The following SLC25A48 variants were observed in gnomAD, a reference collection of about 807,000 sequenced individuals.
SLC25A48 encodes the protein CTC-321K16.1.
SLC25A48 carries 29 observed loss-of-function variants against 32.2 expected under a neutral mutation model. The ratio of observed to expected loss-of-function variants is 0.90; its 90% confidence interval spans 0.67 to 1.23. SLC25A48 has a LOEUF of 1.23. Among genes scored for constraint, SLC25A48 ranks in the 50% most tolerant of loss-of-function variants. The pLI, the probability that SLC25A48 is intolerant of heterozygous loss-of-function variation, is 0.00. For synonymous variants in SLC25A48, 164 were observed against 172.3 expected (o/e 0.95, Z 0.38); for missense variants, 399 against 422.7 (o/e 0.94, Z 0.49).
chr5:135,833,208 C>T (rs74961446), upstream of SLC25A48, among the ~76,000 whole-genome samples: 57 of 152,352 alleles, frequency 3.7e-4, no homozygotes, highest in East Asian at 4.2e-3. Flanking sequence ...GAAAGCAACC[C>T]ACTCCTGCTC....
intron 3 of SLC25A48, among the ~76,000 whole-genome samples, chr5:135,799,011 CT>C (rs1757255488): frequency 6.6e-6 from 1 of 151,656 alleles, no homozygotes; most frequent in South Asian, 2.1e-4. Flanking sequence ...TACACTTCGC[CT>C]GTGATATCGT....
chr5:135,777,485 C>T (rs999019236), intron 3 of SLC25A48, among the ~76,000 whole-genome samples: 2 of 151,082 alleles, frequency 1.3e-5, no homozygotes, highest in Admixed American at 1.3e-4. Flanking sequence ...TTTCTAATAT[C>T]CAGGGGGGAG....
At chr5:135,865,672 A>T (rs1761131613) in intron 4 of SLC25A48, among the ~76,000 whole-genome samples, 8 of 152,060 alleles carry the variant, frequency 5.3e-5, no homozygotes, top group Admixed American at 5.2e-4. Context: ...TCATCAGGAA[A>T]CTCACCGCCA....
At chr5:135,736,342 T>G in intron 3 of SLC25A48, among the ~76,000 whole-genome samples, 1 of 152,120 alleles carries the variant, frequency 6.6e-6, no homozygotes, top group Non-Finnish European at 1.5e-5. Flanking sequence ...TTTAGAGCCA[T>G]TGTCAAGTTT....
chr5:135,648,181 C>T (rs1020350769), intron 3 of SLC25A48, among the ~76,000 whole-genome samples: 8 of 152,276 alleles, frequency 5.3e-5, no homozygotes, highest in African/African-American at 1.4e-4. Flanking sequence ...CTTTGTCATT[C>T]TCTCCCAGGA....
chr5:135,840,132 G>T (rs966343693), intron 1 of SLC25A48, among the ~76,000 whole-genome samples: 8 of 152,084 alleles, frequency 5.3e-5, no homozygotes, highest in African/African-American at 1.7e-4. Context: ...ATTTTTTTCT[G>T]TGAAAAGGTA....
intron 1 of SLC25A48, among the ~76,000 whole-genome samples, chr5:135,616,294 C>G (rs891750876): frequency 6.6e-6 from 1 of 152,150 alleles, no homozygotes; most frequent in African/African-American, 2.4e-5. Flanking sequence ...GTACCGTGCA[C>G]CTGGAAAAGC....
At chr5:135,750,314 T>C (rs1490091719) in intron 3 of SLC25A48, among the ~76,000 whole-genome samples, 2 of 152,332 alleles carry the variant, frequency 1.3e-5, no homozygotes, top group South Asian at 2.1e-4. Flanking sequence ...TATTGCTTCC[T>C]GTGACTCTTC....
intron 5 of SLC25A48, chr5:135,871,988 A>G (rs1236090831): frequency 7.5e-7 from 1 of 1,336,354 alleles, no homozygotes; most frequent in Non-Finnish European, 9.6e-7. Flanking sequence ...GGCATTACTA[A>G]GCTTTGGAAA....
chr5:135,686,946 GT>G (rs541107047), intron 3 of SLC25A48, among the ~76,000 whole-genome samples: 114 of 145,440 alleles, frequency 7.8e-4, no homozygotes, highest in Middle Eastern at 3.6e-3. Flanking sequence ...GGAAAGGGTT[GT>G]TTTTTTTTTT....
intron 3 of SLC25A48, among the ~76,000 whole-genome samples, chr5:135,752,492 T>C (rs1273742117): frequency 1.3e-5 from 2 of 152,130 alleles, no homozygotes; most frequent in Non-Finnish European, 2.9e-5. Flanking sequence ...GTACACCCAC[T>C]GTGATATCTG....
intron 3 of SLC25A48, among the ~76,000 whole-genome samples, chr5:135,772,711 A>G (rs944409227): frequency 2.0e-5 from 3 of 151,670 alleles, no homozygotes; most frequent in Non-Finnish European, 4.4e-5. Context: ...TCAGGAAAGG[A>G]GAGGATAATA....
intron 3 of SLC25A48, among the ~76,000 whole-genome samples, chr5:135,696,114 C>T (rs1289371568): frequency 6.6e-6 from 1 of 152,214 alleles, no homozygotes; most frequent in African/African-American, 2.4e-5. Context: ...CAGTGCAACA[C>T]ATGCACAGAA....
intron 3 of SLC25A48, among the ~76,000 whole-genome samples, chr5:135,696,885 G>A (rs1379618916): frequency 1.3e-5 from 2 of 152,188 alleles, no homozygotes; most frequent in East Asian, 3.8e-4. Context: ...AGGGAGATGG[G>A]GCTGGGAAAG....
At chr5:135,855,805 C>T (rs1339257952) in intron 4 of SLC25A48, among the ~76,000 whole-genome samples, 3 of 152,220 alleles carry the variant, frequency 2.0e-5, no homozygotes, top group Non-Finnish European at 4.4e-5. Flanking sequence ...GCCCACATGC[C>T]AGGAAGTGCA....
At chr5:135,782,831 A>T (rs1756746410) in intron 3 of SLC25A48, among the ~76,000 whole-genome samples, 1 of 118,412 alleles carries the variant, frequency 8.4e-6, no homozygotes, top group Non-Finnish European at 2.1e-5. Flanking sequence ...TAATATCCAG[A>T]GGGGAAGAGG....
intron 2 of SLC25A48, among the ~76,000 whole-genome samples, chr5:135,633,657 C>T (rs1411190586): frequency 2.0e-5 from 3 of 151,952 alleles, no homozygotes; most frequent in South Asian, 2.1e-4. Flanking sequence ...CTGAGGTAGA[C>T]ATGTAGATGT....
intron 3 of SLC25A48, among the ~76,000 whole-genome samples, chr5:135,807,985 A>G (rs1406719637): frequency 6.6e-6 from 1 of 150,690 alleles, no homozygotes; most frequent in Admixed American, 6.6e-5. Flanking sequence ...AGGTCATGTA[A>G]ATATCATACA....
chr5:135,793,952 TTGTGA>T (rs1757099302), intron 3 of SLC25A48, among the ~76,000 whole-genome samples: 1 of 148,390 alleles, frequency 6.7e-6, no homozygotes, highest in Non-Finnish European at 1.5e-5. Flanking sequence ...GTAACACAGT[TTGTGA>T]TATTACACCC....
Sources: allele counts gnomAD v4.1 joint callset (sites outside exome capture counted in the v4.1 genomes callset), GRCh38; gene constraint gnomAD v4.1.1; transcripts MANE v1.5; gene names NCBI Gene and HGNC (gene_info 2026-07-23, HGNC 2026-07-21).